The following PDSS2 variants were observed in gnomAD, a reference collection of about 807,000 sequenced individuals.
PDSS2 encodes the protein decaprenyl diphosphate synthase subunit 2.
A neutral mutation model predicts 44.5 loss-of-function variants in PDSS2; 31 were observed. That is an observed-to-expected ratio of 0.70 (90% confidence interval 0.52 to 0.94). PDSS2 has a LOEUF of 0.94. Ranked by LOEUF, PDSS2 falls within the 40% of genes least tolerant of loss-of-function variation. The pLI is 0.00. For synonymous variants in PDSS2, 157 were observed against 180.3 expected (o/e 0.87, Z 1.03); for missense variants, 452 against 482.2 (o/e 0.94, Z 0.59).
chr6:107,154,360 C>G lies in PDSS2; in HGVS notation c.*259G>C. 2.3e-6 allele frequency: 1 copy of G among 435,288 alleles called. No individual in the cohort carries two copies. Among genetic ancestry groups the G allele is most frequent in the Non-Finnish European group, 4.3e-6 (1 of 234,860 alleles). 27.0% of individuals were successfully genotyped at this position (435,288 alleles called of 1,614,324 possible). A position where few individuals can be genotyped will look rare whatever the true frequency, so the allele number is the denominator to read the frequency against. The stretch of plus-strand genomic sequence containing the variant: ...TGTCCATTTGCTGAGGTCACAGGAG[C>G]GAATCTCATTAATTATTTCTGCGAC... On this transcript the variant is annotated 3_prime_UTR_variant, in exon 8 of 8. Transcript: ENST00000369037.
chr6:107,384,022 A>C (rs567154766), intron 1 of PDSS2, among the ~76,000 whole-genome samples: 2 of 152,236 alleles, frequency 1.3e-5, no homozygotes, highest in African/African-American at 2.4e-5. Context: ...CCAAATATCC[A>C]TTAGCTAATC....
At chr6:107,348,679 C>G (rs1778329312) in intron 1 of PDSS2, among the ~76,000 whole-genome samples, 1 of 152,182 alleles carries the variant, frequency 6.6e-6, no homozygotes, top group Admixed American at 6.5e-5. Context: ...ATGTTTCCAT[C>G]AGTACAAAGG....
intron 2 of PDSS2, among the ~76,000 whole-genome samples, chr6:107,284,386 C>T (rs56180050): frequency 0.21 from 31,425 of 151,750 alleles, 3,664 homozygotes; most frequent in African/African-American, 0.31. Context: ...ACTGGCTGGG[C>T]GCGGTGGCTC....
intron 1 of PDSS2, among the ~76,000 whole-genome samples, chr6:107,344,975 C>T (rs1778195458): frequency 6.6e-6 from 1 of 151,984 alleles, no homozygotes; most frequent in South Asian, 2.1e-4. Flanking sequence ...TAATCTCATA[C>T]AATAATTTTT....
chr6:107,222,773 A>G (rs1201364144), intron 4 of PDSS2, among the ~76,000 whole-genome samples: 2 of 152,060 alleles, frequency 1.3e-5, no homozygotes, highest in Non-Finnish European at 2.9e-5. Flanking sequence ...TTAGCACATA[A>G]CAGAATATAT....
In PDSS2 at chr6:107,154,597, A is replaced by G; in HGVS notation, c.*22T>C. ...CCCTAGGATTTTCAGCTAACTAACA[A>G]TAGTGTCTTTTTAATTTGATGTCAT... On this transcript the variant is annotated 3_prime_UTR_variant, in exon 8 of 8. Transcript: ENST00000369037. 3 of 1,612,488 alleles carry G rather than the reference A, an allele frequency of 1.9e-6. No homozygotes were observed. The highest frequency in any genetic ancestry group is 2.5e-6 in the Non-Finnish European group (3 of 1,178,538).
chr6:107,442,716 C>T (rs537264782), intron 1 of PDSS2, among the ~76,000 whole-genome samples: 1 of 152,316 alleles, frequency 6.6e-6, no homozygotes, highest in East Asian at 1.9e-4. Context: ...AGTATCTCAA[C>T]ATACTCAATT....
intron 7 of PDSS2, among the ~76,000 whole-genome samples, chr6:107,168,990 G>A (rs1310288702): frequency 5.3e-5 from 8 of 152,128 alleles, no homozygotes; most frequent in African/African-American, 9.6e-5. Context: ...TCTTTGTGGC[G>A]TTCTCTGTAT....
rs554920444 is a variant in PDSS2, at chr6:107,184,295, C to T, written c.1041+9527G>A. Among the ~76,000 whole-genome samples the T allele has an allele frequency of 1.0e-3, 158 of 152,102 alleles. 2 individuals are homozygous for T. In the South Asian group the frequency reaches 0.016, roughly 15 times the overall value. On this transcript the variant is annotated intron_variant, in intron 7 of 7. Transcript: ENST00000369037. ...TGACTACCAAAAATAAATAAATAAACGAATAAAGGAGTCTGGCTTTGTCAG... is the reference window on the plus strand; with the variant it reads ...TGACTACCAAAAATAAATAAATAAATGAATAAAGGAGTCTGGCTTTGTCAG...
intron 4 of PDSS2, among the ~76,000 whole-genome samples, chr6:107,234,350 C>T (rs995053819): frequency 1.3e-4 from 19 of 151,982 alleles, no homozygotes; most frequent in Non-Finnish European, 1.5e-5. Context: ...GGACTATAGG[C>T]GCGTGCCACT....
At chr6:107,250,190 G>C (rs557782661) in intron 3 of PDSS2, among the ~76,000 whole-genome samples, 3 of 142,230 alleles carry the variant, frequency 2.1e-5, no homozygotes, top group Non-Finnish European at 4.5e-5. Flanking sequence ...ACCCCCCCCC[G>C]CAAAAAAATC....
At chr6:107,177,416 C>T (rs1185950023) in intron 7 of PDSS2, among the ~76,000 whole-genome samples, 7 of 152,158 alleles carry the variant, frequency 4.6e-5, no homozygotes, top group South Asian at 4.1e-4. Context: ...GGATTACAGG[C>T]GTGAGCCACC....
At position 107,163,973 on chromosome 6, in the gene PDSS2, TA is replaced by T. The variant is rs376013235; in HGVS notation, c.1042-9197del. ...TGGGGTTCCTAAACTTGCCTGGCCG[TA>T]AGACTCATGTGGGGAACTTTAAAAT... On this transcript the variant is annotated intron_variant, in intron 7 of 7. Transcript: ENST00000369037. Among the ~76,000 whole-genome samples the T allele has an allele frequency of 4.3e-4, 66 of 152,224 alleles. No homozygotes were observed. The East Asian group carries it at 7.1e-3, about 16-fold the overall frequency.
Position 107,197,082 on chromosome 6 carries a change from T to C in PDSS2, c.1009-3228A>G, listed in dbSNP as rs577604281. Among the ~76,000 whole-genome samples the C allele has an allele frequency of 2.0e-5, 3 of 152,318 alleles. No individual in the cohort carries two copies. In the East Asian group the frequency reaches 5.8e-4, roughly 29 times the overall value. On this transcript the variant is annotated intron_variant, in intron 6 of 7. Coordinates refer to ENST00000369037, the MANE Select transcript of PDSS2 (RefSeq NM_020381.4). ...ATAAATTGGTAAGTATAAGTGTTTC[T>C]GTTCCAAAATTCACATAGCTGTGAA... is the stretch of plus-strand genomic sequence containing the variant.
chr6:107,166,521 C>G (rs541518198), intron 7 of PDSS2, among the ~76,000 whole-genome samples: 1 of 152,004 alleles, frequency 6.6e-6, no homozygotes, highest in African/African-American at 2.4e-5. Context: ...CCTGCCACCA[C>G]GCCTGGCTAT....
At chr6:107,161,276 C>T (rs1444753034) in intron 7 of PDSS2, among the ~76,000 whole-genome samples, 2 of 151,666 alleles carry the variant, frequency 1.3e-5, no homozygotes, top group Admixed American at 6.6e-5. Context: ...GTCGGGAGAT[C>T]GAGACCATCC....
intron 2 of PDSS2, among the ~76,000 whole-genome samples, chr6:107,280,781 GT>G (rs1775937645): frequency 6.6e-6 from 1 of 152,208 alleles, no homozygotes. Context: ...AAATAGCAGA[GT>G]TAATTGTGTT....
At chr6:107,432,097 G>A (rs1454204583) in intron 1 of PDSS2, among the ~76,000 whole-genome samples, 1 of 152,212 alleles carries the variant, frequency 6.6e-6, no homozygotes, top group African/African-American at 2.4e-5. Flanking sequence ...CTATCAGTCT[G>A]ATTTCCAAAC....
chr6:107,238,260 G>T (rs911696408), intron 4 of PDSS2, among the ~76,000 whole-genome samples: 1 of 152,210 alleles, frequency 6.6e-6, no homozygotes, highest in Non-Finnish European at 1.5e-5. Context: ...CCCCAGGAAG[G>T]ATCAGGAGTG....
Sources: gnomAD v4.1 joint callset for allele counts (sites outside exome capture counted in the v4.1 genomes callset) on GRCh38, gnomAD v4.1.1 for gene constraint, MANE v1.5 for transcripts, NCBI Gene and HGNC (gene_info 2026-07-23, HGNC 2026-07-21) for gene names.